Variants in PAICS observed in about 807,000 individuals in gnomAD.
The protein encoded by PAICS is phosphoribosylaminoimidazole carboxylase and phosphoribosylaminoimidazolesuccinocarboxamide synthase.
PAICS carries 33 observed loss-of-function variants against 53.7 expected under a neutral mutation model. The observed-to-expected ratio is 0.61, with a 90% CI of 0.47 to 0.82. The LOEUF is 0.82. Among genes scored for constraint, PAICS ranks in the 40% least tolerant of loss-of-function variants. The pLI, the probability that PAICS is intolerant of heterozygous loss-of-function variation, is 0.00. For synonymous variants in PAICS, 141 were observed against 167.2 expected (o/e 0.84, Z 1.21); for missense variants, 394 against 494.1 (o/e 0.80, Z 1.92).
chr4:56,456,410 G>GT (rs1719208092), intron 8 of PAICS, among the ~76,000 whole-genome samples: 1 of 152,010 alleles, frequency 6.6e-6, no homozygotes, highest in African/African-American at 2.4e-5. Context: ...GGATACAGGT[G>GT]TTTTTTGTTT....
chr4:56,451,347 G>T (rs1718908581), intron 6 of PAICS, among the ~76,000 whole-genome samples: 1 of 152,160 alleles, frequency 6.6e-6, no homozygotes, highest in South Asian at 2.1e-4. Context: ...GGAACTCTGT[G>T]TGACTTTAAA....
In PAICS at chr4:56,461,237, T is replaced by TA. The variant is rs1450690739; in HGVS notation, c.*1700dup. ...ACACTTTATTTCCCTCACACTGTGT[T>TA]ATGCTCTGATGTGCTATGCTTAGCT... On this transcript the variant is annotated 3_prime_UTR_variant, in exon 9 of 9. Transcript: ENST00000512576. The TA allele has an allele frequency of 6.6e-6, 1 of 152,250 alleles. No homozygotes were observed. Among genetic ancestry groups the TA allele is most frequent in the African/African-American group, 2.4e-5 (1 of 41,468 alleles). The allele number at this position is 152,250 out of a possible 1,614,324, so 9.4% of individuals were successfully genotyped here.
At chr4:56,458,450 A>C (rs1719337048) in intron 8 of PAICS, among the ~76,000 whole-genome samples, 1 of 152,178 alleles carries the variant, frequency 6.6e-6, no homozygotes, top group Non-Finnish European at 1.5e-5. Flanking sequence ...TGCTCTAAGC[A>C]CTTTATCTAT....
chr4:56,453,212 G>A (rs1407232361), intron 7 of PAICS, among the ~76,000 whole-genome samples: 1 of 151,988 alleles, frequency 6.6e-6, no homozygotes, highest in Non-Finnish European at 1.5e-5. Flanking sequence ...ATATTAACTG[G>A]TTCTCCCTGC....
chr4:56,431,030 A>T (rs905983554), upstream of PAICS, among the ~76,000 whole-genome samples: 10 of 152,180 alleles, frequency 6.6e-5, no homozygotes, highest in Non-Finnish European at 1.2e-4. Context: ...GATTGAAAAC[A>T]CTTATTTTAA....
upstream of PAICS, among the ~76,000 whole-genome samples, chr4:56,432,525 C>CAAA (rs34998854): frequency 2.0e-4 from 15 of 75,376 alleles, no homozygotes; most frequent in African/African-American, 6.7e-4. Context: ...GACCCTGTCT[C>CAAA]AAAAAAAAAA....
At chr4:56,449,379 G>GA (rs1198933417) in intron 5 of PAICS, among the ~76,000 whole-genome samples, 1 of 152,210 alleles carries the variant, frequency 6.6e-6, no homozygotes, top group African/African-American at 2.4e-5. Context: ...AGATGCTGGA[G>GA]AGGCTATGAA....
At chr4:56,453,861 C>T (rs973173246) in intron 8 of PAICS, 100 bp downstream of exon 8, 22 of 724,524 alleles carry the variant, frequency 3.0e-5, no homozygotes, top group Non-Finnish European at 4.8e-5. Context: ...TACCCATGAC[C>T]TAGCTTCAGC....
intron 8 of PAICS, among the ~76,000 whole-genome samples, chr4:56,455,658 T>C (rs921612152): frequency 3.3e-5 from 5 of 152,220 alleles, no homozygotes; most frequent in African/African-American, 4.8e-5. Flanking sequence ...AGTTTAGAAA[T>C]AGAATCCTAT....
chr4:56,441,829 C>G lies in PAICS; in HGVS notation c.183C>G (p.Thr61=), dbSNP rs1403883272. 5.0e-6 allele frequency: 8 copies of G among 1,597,670 alleles called. No homozygotes were observed. In the East Asian group the frequency reaches 1.8e-4, roughly 36 times the overall value. ...AAGCTGCAATCTCAAATAAAATCAC[C>G]AGTTGTATTTTTCAGTTATTACAGG... ...EGKAAISNKI[T]SCIFQLLQEA... The change falls in exon 2 of 9, where the codon ACC becomes ACG. Residue 61 remains threonine (T), a synonymous_variant. Transcript: ENST00000512576.
upstream of PAICS, chr4:56,435,603 G>C (rs1009967280): frequency 2.2e-5 from 34 of 1,529,762 alleles, no homozygotes; most frequent in Non-Finnish European, 2.9e-5. Context: ...TCCCGAGGGT[G>C]GCCCCAGCTA....
chr4:56,430,318 C>T, the PAICS span, among the ~76,000 whole-genome samples: 5 of 152,206 alleles, frequency 3.3e-5, no homozygotes, highest in African/African-American at 1.2e-4. Flanking sequence ...CATATATTAA[C>T]ATATTTAGTC....
upstream of PAICS, among the ~76,000 whole-genome samples, chr4:56,433,529 C>G (rs1717718273): frequency 6.8e-6 from 1 of 147,676 alleles, no homozygotes; most frequent in African/African-American, 2.5e-5. Context: ...TCTTCAGGCA[C>G]ACATTTAAAG....
chr4:56,424,563 CTATTA>C, the PAICS span, among the ~76,000 whole-genome samples: 2 of 152,086 alleles, frequency 1.3e-5, no homozygotes, highest in South Asian at 4.1e-4. Context: ...CAGGCTATTC[CTATTA>C]TGTTAAGTAA....
chr4:56,453,649 T>C lies in PAICS; in HGVS notation c.999T>C (p.Asn333=), dbSNP rs765551603. The change falls in exon 8 of 9, where the codon AAT becomes AAC. Residue 333 remains asparagine, a synonymous_variant. Coordinates refer to ENST00000512576, the MANE Select transcript of PAICS (RefSeq NM_001079524.2). ...TTGTGGCAGTGGCAGGCAGAAGTAA[T>C]GGTTTGGGACCAGTGATGTCTGGGA... ...TVFVAVAGRS[N]GLGPVMSGNT... 35 of 1,584,584 alleles carry C rather than the reference T, an allele frequency of 2.2e-5. No individual in the cohort carries two copies. The highest frequency in any genetic ancestry group is 2.7e-5 in the Non-Finnish European group (31 of 1,164,482).
At position 56,436,292 on chromosome 4, in the gene PAICS, G is replaced by T. The variant is rs543762217; in HGVS notation, c.-21G>T. ...TGCCTCGCTTCCCGGCGCGGTCGCA[G>T]CCCTCAGCCCACTTAGGATAATGGC... is the stretch of plus-strand genomic sequence containing the variant. On this transcript the variant is annotated 5_prime_UTR_variant, in exon 1 of 9. Coordinates refer to ENST00000512576, the MANE Select transcript of PAICS (RefSeq NM_001079524.2). 13 of 1,598,812 alleles carry T rather than the reference G, an allele frequency of 8.1e-6. No individual in the cohort carries two copies. Among genetic ancestry groups the T allele is most frequent in the African/African-American group, 5.4e-5 (4 of 74,426 alleles).
chr4:56,436,149 A>G, upstream of PAICS: 2 of 1,489,546 alleles, frequency 1.3e-6, no homozygotes, highest in African/African-American at 1.4e-5. Context: ...GTCTCCGCCC[A>G]TACCCCTCCG....
Position 56,449,615 on chromosome 4 carries a change from C to A in PAICS, c.687+792C>A, listed in dbSNP as rs186697598. Among the ~76,000 whole-genome samples, 581 of 152,102 alleles carry A rather than the reference C, an allele frequency of 3.8e-3. 5 individuals are homozygous for A. Among genetic ancestry groups the A allele is most frequent in the African/African-American group, 0.013 (533 of 41,472 alleles). On this transcript the variant is annotated intron_variant, in intron 5 of 8. Transcript: ENST00000512576. ...AAAGACATGGAACCAACCCAAATGC[C>A]CATCAGTGTTAGACTGGATAAAGAA...
At chr4:56,419,646 A>C in the PAICS span, 1 of 983,048 alleles carries the variant, frequency 1.0e-6, no homozygotes, top group Non-Finnish European at 1.2e-6. Context: ...ACCCTCTAAT[A>C]ATACAACTTT....
Sources: gnomAD v4.1 joint callset for allele counts (sites outside exome capture counted in the v4.1 genomes callset) on GRCh38, gnomAD v4.1.1 for gene constraint, MANE v1.5 for transcripts, NCBI Gene and HGNC (gene_info 2026-07-23, HGNC 2026-07-21) for gene names.